The following TLE1 variants were observed in gnomAD, a reference collection of about 807,000 sequenced individuals.
TLE1 encodes TLE family member 1, transcriptional corepressor, also known as transducin-like enhancer protein 1.
Under a neutral mutation model 89.8 loss-of-function variants are expected in TLE1, and 21 were observed. The ratio of observed to expected loss-of-function variants is 0.23; its 90% CI spans 0.17 to 0.34. The LOEUF (loss-of-function observed/expected upper bound fraction) is 0.34, where lower values mean the gene tolerates loss of function less well. Among genes scored for constraint, TLE1 ranks in the 10% least tolerant of loss-of-function variants. The probability of loss-of-function intolerance (pLI) is 1.00; values close to 1 mark genes in which losing one functional copy is unlikely to be tolerated. For missense variants in TLE1, 795 were observed against 1,031.2 expected, an observed-to-expected ratio of 0.77 and a Z score of 3.14; for synonymous variants, 447 against 407.6, an observed-to-expected ratio of 1.10 and a Z score of -1.16.
At chr9:81,612,619 T>TG (rs1337899380) in intron 12 of TLE1, among the ~76,000 whole-genome samples, 1 of 152,194 alleles carries the variant, frequency 6.6e-6, no homozygotes, top group East Asian at 1.9e-4. Flanking sequence ...AACTATAGTC[T>TG]GCAAGGAGCA....
intron 17 of TLE1, among the ~76,000 whole-genome samples, chr9:81,587,313 G>C (rs1053041432): frequency 3.3e-5 from 5 of 152,046 alleles, no homozygotes; most frequent in South Asian, 2.1e-4. Context: ...ATTTATTTAG[G>C]AATCAAAAAA....
chr9:81,626,798 C>T (rs1368848185), intron 8 of TLE1, among the ~76,000 whole-genome samples: 3 of 152,180 alleles, frequency 2.0e-5, no homozygotes, highest in Non-Finnish European at 4.4e-5. Context: ...ATGCCTTCGT[C>T]ACCACCCTCT....
At chr9:81,667,318 C>G (rs1458204781) in intron 4 of TLE1, among the ~76,000 whole-genome samples, 1 of 149,706 alleles carries the variant, frequency 6.7e-6, no homozygotes, top group African/African-American at 2.5e-5. Flanking sequence ...ATCGCTTAAA[C>G]CCGGGTGGCA....
intron 8 of TLE1, among the ~76,000 whole-genome samples, chr9:81,630,364 A>G (rs1024333343): frequency 2.6e-5 from 4 of 152,208 alleles, no homozygotes; most frequent in Admixed American, 6.5e-5. Flanking sequence ...GTAGACATAC[A>G]TAACAATGCC....
intron 4 of TLE1, among the ~76,000 whole-genome samples, chr9:81,664,826 T>C (rs1183772260): frequency 6.6e-6 from 1 of 152,184 alleles, no homozygotes; most frequent in Non-Finnish European, 1.5e-5. Context: ...AATACACAGA[T>C]GACTAGGCCC....
intron 4 of TLE1, among the ~76,000 whole-genome samples, chr9:81,654,386 G>C (rs2132656536): frequency 6.6e-6 from 1 of 152,194 alleles, no homozygotes; most frequent in South Asian, 2.1e-4. Flanking sequence ...TGTCGCCCAG[G>C]CTGGAGTGCA....
intron 4 of TLE1, among the ~76,000 whole-genome samples, chr9:81,675,195 G>A (rs1219501956): frequency 2.6e-5 from 4 of 152,092 alleles, no homozygotes; most frequent in African/African-American, 7.2e-5. Flanking sequence ...ATTACAAAAT[G>A]TTAATTTATA....
chr9:81,600,059 T>C, intron 14 of TLE1: 2 of 728,434 alleles, frequency 2.7e-6, no homozygotes. Context: ...GGACCTAACT[T>C]CCTCTATCAA....
intron 6 of TLE1, among the ~76,000 whole-genome samples, chr9:81,644,354 T>C (rs1284014210): frequency 6.6e-6 from 1 of 152,218 alleles, no homozygotes; most frequent in Non-Finnish European, 1.5e-5. Flanking sequence ...AATAAGCAAC[T>C]GCAGTATATT....
At chr9:81,677,516 G>T (rs1026106502) in intron 4 of TLE1, among the ~76,000 whole-genome samples, 2 of 134,956 alleles carry the variant, frequency 1.5e-5, no homozygotes, top group Admixed American at 1.7e-4. Context: ...AGTGAGCTGA[G>T]ATCATGCCAC....
At chr9:81,666,795 A>ATAAATAAATAAATAAATAAAT (rs1252291849) in intron 4 of TLE1, among the ~76,000 whole-genome samples, 26 of 151,170 alleles carry the variant, frequency 1.7e-4, no homozygotes, top group Non-Finnish European at 3.7e-4. Context: ...AAATAAATAA[A>ATAAATAAATAAATAAATAAAT]TAAATAAATA....
chr9:81,635,296 C>T (rs1174794398), intron 6 of TLE1, among the ~76,000 whole-genome samples: 2 of 152,132 alleles, frequency 1.3e-5, no homozygotes, highest in South Asian at 2.1e-4. Context: ...TGGGTAGGAC[C>T]GTGGATGAGG....
intron 8 of TLE1, among the ~76,000 whole-genome samples, chr9:81,629,693 G>C (rs1430199134): frequency 6.6e-6 from 1 of 152,180 alleles, no homozygotes; most frequent in Non-Finnish European, 1.5e-5. Context: ...CTAGGCTACT[G>C]CTCCTAGGCT....
intron 15 of TLE1, among the ~76,000 whole-genome samples, chr9:81,591,383 G>A (rs112583578): frequency 1.5e-4 from 23 of 152,274 alleles, no homozygotes; most frequent in African/African-American, 5.3e-4. Flanking sequence ...TCATCACCCT[G>A]CATTATTTAC....
At chr9:81,681,907 C>T (rs1833678325) in intron 4 of TLE1, among the ~76,000 whole-genome samples, 1 of 152,098 alleles carries the variant, frequency 6.6e-6, no homozygotes, top group Non-Finnish European at 1.5e-5. Context: ...ACTAGGGAGA[C>T]ATGGTCCACC....
At position 81,688,465 on chromosome 9, in the gene TLE1, G is replaced by C; in HGVS notation, c.-225C>G. 2.2e-6 allele frequency: 1 copy of C among 453,582 alleles called. No individual in the cohort carries two copies. The highest frequency in any genetic ancestry group is 3.8e-6 in the Non-Finnish European group (1 of 261,110). The allele number at this position is 453,582 out of a possible 1,614,324, so 28.1% of individuals were successfully genotyped here. A position where few individuals can be genotyped will look rare whatever the true frequency, so the allele number is the denominator to read the frequency against. ...CTCCGGCCCTCAGGGCCACATTAGT[G>C]GGCGCCCCAGGCCCAGCTGCTTCAA... On this transcript the variant is annotated 5_prime_UTR_variant, in exon 1 of 20. Coordinates refer to ENST00000376499, the MANE Select transcript of TLE1 (RefSeq NM_005077.5).
chr9:81,684,022 T>G (rs991401204), intron 4 of TLE1, among the ~76,000 whole-genome samples: 2 of 152,082 alleles, frequency 1.3e-5, no homozygotes, highest in Non-Finnish European at 2.9e-5. Context: ...TGAGGTGGTG[T>G]TCCCTTGTAA....
intron 14 of TLE1, among the ~76,000 whole-genome samples, chr9:81,606,983 G>A (rs1043757119): frequency 5.3e-5 from 8 of 151,276 alleles, no homozygotes; most frequent in Non-Finnish European, 2.9e-5. Flanking sequence ...CAGCACTTTG[G>A]GAGGCCATGG....
chr9:81,623,465 C>CT (rs1825532941), intron 8 of TLE1, among the ~76,000 whole-genome samples: 1 of 151,982 alleles, frequency 6.6e-6, no homozygotes, highest in Admixed American at 6.6e-5. Flanking sequence ...ACAGAGGTTG[C>CT]TTTGCATTAA....
Sources: gnomAD v4.1 joint callset for allele counts (sites outside exome capture counted in the v4.1 genomes callset) on GRCh38, gnomAD v4.1.1 for gene constraint, MANE v1.5 for transcripts, NCBI Gene and HGNC (gene_info 2026-07-23, HGNC 2026-07-21) for gene names.